TGFA: variants seen among roughly 807,000 people sequenced by gnomAD.
The protein encoded by TGFA is transforming growth factor alpha.
TGFA carries 12 observed loss-of-function variants against 21.7 expected under a neutral mutation model. The observed-to-expected ratio is 0.55, with a 90% CI of 0.35 to 0.90. The LOEUF (loss-of-function observed/expected upper bound fraction) is 0.90. TGFA is among the 40% of genes least tolerant of loss of function. The probability of loss-of-function intolerance (pLI) is 0.01; values close to 1 mark genes in which losing one functional copy is unlikely to be tolerated. For synonymous variants in TGFA, 79 were observed against 88.1 expected (o/e 0.90, Z 0.58); for missense variants, 178 against 210.8 (o/e 0.84, Z 0.96).
chr2:70,476,715 C>A (rs958685), intron 2 of TGFA, among the ~76,000 whole-genome samples: 79,749 of 152,022 alleles, frequency 0.52, 21,091 homozygotes, highest in East Asian at 0.61. Context: ...TTGCAGATGC[C>A]GTGTGGGTGG....
chr2:70,550,769 C>T lies in TGFA; in HGVS notation c.40+2959G>A, dbSNP rs185683020. 5.5e-3 allele frequency among the ~76,000 whole-genome samples: 830 copies of T among 152,166 alleles called. 5 individuals are homozygous for T. The highest frequency in any genetic ancestry group is 8.8e-3 in the Non-Finnish European group (599 of 67,998). ...CCGGGAGGCGGAGCTTGCAGTGAGCCGAGATCGCGCCACTGCACTCCAGCC... is the reference window on the plus strand; with the variant it reads ...CCGGGAGGCGGAGCTTGCAGTGAGCTGAGATCGCGCCACTGCACTCCAGCC... On this transcript the variant is annotated intron_variant, in intron 1 of 5. Transcript: ENST00000295400.
chr2:70,453,530 C>T (rs1294144514), intron 4 of TGFA, among the ~76,000 whole-genome samples: 1 of 152,180 alleles, frequency 6.6e-6, no homozygotes, highest in African/African-American at 2.4e-5. Flanking sequence ...AGATGCTGGC[C>T]AACAACAAAA....
chr2:70,483,125 T>C (rs1574091644), intron 2 of TGFA, among the ~76,000 whole-genome samples: 1 of 152,242 alleles, frequency 6.6e-6, no homozygotes, highest in East Asian at 1.9e-4. Context: ...ATGTGCCTTG[T>C]TGAACTCAAC....
chr2:70,549,616 A>C (rs1400787497), intron 1 of TGFA, among the ~76,000 whole-genome samples: 7 of 152,196 alleles, frequency 4.6e-5, no homozygotes, highest in Admixed American at 2.0e-4. Flanking sequence ...CAGTGTGTAC[A>C]AGCCATTTTC....
chr2:70,504,453 TATATATATATACACAC>T (rs1338383531), intron 2 of TGFA, among the ~76,000 whole-genome samples: 6 of 75,206 alleles, frequency 8.0e-5, no homozygotes, highest in African/African-American at 4.3e-4. Flanking sequence ...TATATATATA[TATATATATATACACAC>T]ATACATACAT....
chr2:70,517,957 C>A (rs7560585), intron 1 of TGFA, among the ~76,000 whole-genome samples: 2 of 152,228 alleles, frequency 1.3e-5, no homozygotes, highest in African/African-American at 2.4e-5. Flanking sequence ...TCTGGCCACA[C>A]GACTGTGCTT....
chr2:70,534,367 C>T (rs1672910188), intron 1 of TGFA, among the ~76,000 whole-genome samples: 1 of 151,942 alleles, frequency 6.6e-6, no homozygotes, highest in African/African-American at 2.4e-5. Flanking sequence ...AGCCTTCTGC[C>T]ATTGTTTGGG....
Position 70,504,469 on chromosome 2 carries a change from C to CATATATATATATATAT in TGFA, c.94+10389_94+10390insATATATATATATATAT, listed in dbSNP as rs1230209696. On this transcript the variant is annotated intron_variant, in intron 2 of 5. Transcript: ENST00000295400. ...ATATATATATATATATATATACACA[C>CATATATATATATATAT]ATACATACATACATACACACACACA... is the stretch of plus-strand genomic sequence containing the variant. 3.2e-3 allele frequency among the ~76,000 whole-genome samples: 261 copies of CATATATATATATATAT among 80,502 alleles called. 3 individuals carry two copies. Among genetic ancestry groups the CATATATATATATATAT allele is most frequent in the Middle Eastern group, 0.012 (2 of 172 alleles). The allele number at this position is 80,502 out of a possible 152,430, so 52.8% of individuals were successfully genotyped here. A position where few individuals can be genotyped will look rare whatever the true frequency, so the allele number is the denominator to read the frequency against.
At chr2:70,504,313 G>T (rs1187952710) in intron 2 of TGFA, among the ~76,000 whole-genome samples, 2 of 151,366 alleles carry the variant, frequency 1.3e-5, no homozygotes, top group African/African-American at 2.4e-5. Context: ...GGGAGGCTGA[G>T]TTGGGAGGAT....
intron 2 of TGFA, among the ~76,000 whole-genome samples, chr2:70,485,520 G>A (rs549764005): frequency 8.5e-5 from 13 of 152,274 alleles, no homozygotes; most frequent in African/African-American, 3.1e-4. Flanking sequence ...GTCCCTTTTA[G>A]TGTTTTATGA....
chr2:70,547,365 G>A (rs1022993935), intron 1 of TGFA, among the ~76,000 whole-genome samples: 5 of 151,876 alleles, frequency 3.3e-5, no homozygotes, highest in African/African-American at 1.2e-4. Context: ...AGGCCGAGGC[G>A]GGCAGATTGC....
chr2:70,489,613 A>G (rs551313657), intron 2 of TGFA, among the ~76,000 whole-genome samples: 27 of 152,378 alleles, frequency 1.8e-4, no homozygotes, highest in Admixed American at 8.5e-4. Flanking sequence ...TCACAGGAAA[A>G]GGAGGATAAA....
intron 1 of TGFA, among the ~76,000 whole-genome samples, chr2:70,548,004 C>T (rs1673370249): frequency 6.6e-6 from 1 of 151,912 alleles, no homozygotes; most frequent in Non-Finnish European, 1.5e-5. Flanking sequence ...TCTTAATTTT[C>T]CAAGTGTTCT....
intron 4 of TGFA, 123 bp downstream of exon 4, chr2:70,456,216 A>G: frequency 7.6e-7 from 1 of 1,312,924 alleles, no homozygotes; most frequent in Non-Finnish European, 1.0e-6. Context: ...AGCTTTCCTG[A>G]CAGCACTCAG....
intron 2 of TGFA, among the ~76,000 whole-genome samples, chr2:70,496,097 C>T (rs1039422861): frequency 6.6e-6 from 1 of 151,480 alleles, no homozygotes; most frequent in Non-Finnish European, 1.5e-5. Flanking sequence ...AAAGCTGCTG[C>T]CATACCCACA....
intron 2 of TGFA, among the ~76,000 whole-genome samples, chr2:70,466,869 C>T (rs1670581152): frequency 6.6e-6 from 1 of 152,156 alleles, no homozygotes; most frequent in Non-Finnish European, 1.5e-5. Flanking sequence ...GGAATGAGAT[C>T]ATGTCCTTTG....
intron 1 of TGFA, among the ~76,000 whole-genome samples, chr2:70,549,989 A>G (rs1197115090): frequency 1.3e-5 from 2 of 152,190 alleles, no homozygotes; most frequent in Non-Finnish European, 2.9e-5. Context: ...CATGTGTCCT[A>G]GGAAAACCTC....
chr2:70,477,719 C>A (rs1553494716), intron 2 of TGFA, among the ~76,000 whole-genome samples: 1 of 152,132 alleles, frequency 6.6e-6, no homozygotes, highest in Non-Finnish European at 1.5e-5. Flanking sequence ...ATTAGAGAGG[C>A]TCCTGCAGGA....
chr2:70,456,530 G>A, intron 3 of TGFA, 42 bp from the exon 4 acceptor site: 1 of 1,562,284 alleles, frequency 6.4e-7, no homozygotes, highest in South Asian at 1.2e-5. Context: ...CTGACAAAAG[G>A]TCTTGTTACC....
Sources: allele counts gnomAD v4.1 joint callset (sites outside exome capture counted in the v4.1 genomes callset), GRCh38; gene constraint gnomAD v4.1.1; transcripts MANE v1.5; gene names NCBI Gene and HGNC (gene_info 2026-07-23, HGNC 2026-07-21).